The following CDH4 variants were observed in gnomAD, a reference collection of about 807,000 sequenced individuals.
CDH4 encodes the protein cadherin 4.
A neutral mutation model predicts 86.0 loss-of-function variants in CDH4; 33 were observed. The ratio of observed to expected loss-of-function variants is 0.38; its 90% CI spans 0.29 to 0.51. CDH4 has a LOEUF of 0.51. Ranked by LOEUF, CDH4 falls within the 20% of genes least tolerant of loss-of-function variation. CDH4 has a pLI of 0.86. For missense variants in CDH4, 1,114 were observed against 1,307.4 expected, an observed-to-expected ratio of 0.85 and a Z score of 2.28; for synonymous variants, 555 against 549.4, an observed-to-expected ratio of 1.01 and a Z score of -0.14.
chr20:61,291,971 C>G (rs1290125805), intron 2 of CDH4, among the ~76,000 whole-genome samples: 2 of 152,054 alleles, frequency 1.3e-5, no homozygotes, highest in Admixed American at 6.6e-5. Flanking sequence ...TCATTTAGCT[C>G]CCTCTTATAA....
rs1396600435 is a variant in CDH4, at chr20:61,269,448, C to A, written c.169+14511C>A. Among the ~76,000 whole-genome samples, 5 of 152,040 alleles carry A rather than the reference C, an allele frequency of 3.3e-5. No homozygotes were observed. The highest frequency in any genetic ancestry group is 1.2e-4 in the African/African-American group (5 of 41,392). On this transcript the variant is annotated intron_variant, in intron 2 of 15. Transcript: ENST00000614565. This position sits in a 1 kb window ranked among gnomAD's most constrained non-coding sequence, Gnocchi z 5.3. ...CTGGACCATTTTGTGGCCTGTGTGA[C>A]CTTTCCTACCTCCATAGGAGGGAGA... is the stretch of plus-strand genomic sequence containing the variant.
At chr20:61,534,429 A>G (rs1288165470) in intron 2 of CDH4, among the ~76,000 whole-genome samples, 4 of 152,126 alleles carry the variant, frequency 2.6e-5, no homozygotes, top group African/African-American at 7.2e-5. Context: ...TATGCATTCC[A>G]TATTTAATAC....
intron 2 of CDH4, among the ~76,000 whole-genome samples, chr20:61,410,566 A>G (rs565211012): frequency 1.3e-5 from 2 of 149,564 alleles, no homozygotes; most frequent in African/African-American, 4.9e-5. Flanking sequence ...TGGTCCATCT[A>G]TCCATCCATT....
chr20:61,374,962 C>A (rs1382184724), intron 2 of CDH4, among the ~76,000 whole-genome samples: 2 of 152,226 alleles, frequency 1.3e-5, no homozygotes, highest in African/African-American at 4.8e-5. Context: ...AACCAATTGC[C>A]AGTTAGAAAA....
intron 2 of CDH4, among the ~76,000 whole-genome samples, chr20:61,443,643 C>T (rs1422557090): frequency 6.6e-6 from 1 of 152,196 alleles, no homozygotes; most frequent in Non-Finnish European, 1.5e-5. Flanking sequence ...GCTGCTGGAG[C>T]AGATGTTAAT....
intron 2 of CDH4, among the ~76,000 whole-genome samples, chr20:61,657,015 T>TC (rs2087199422): frequency 1.3e-5 from 2 of 152,312 alleles, no homozygotes; most frequent in East Asian, 3.9e-4. Context: ...GAGGCATGTG[T>TC]CTTAGAGCAT....
At chr20:61,648,092 G>A (rs1348617405) in intron 2 of CDH4, among the ~76,000 whole-genome samples, 3 of 152,196 alleles carry the variant, frequency 2.0e-5, no homozygotes, top group Non-Finnish European at 4.4e-5. Context: ...GACTTCCCTT[G>A]CCTGCCATTG....
intron 2 of CDH4, among the ~76,000 whole-genome samples, chr20:61,499,936 C>T (rs529664616): frequency 6.6e-6 from 1 of 152,166 alleles, no homozygotes; most frequent in Non-Finnish European, 1.5e-5. Context: ...TCAGTGGCAC[C>T]ATTATGCAAA....
chr20:61,681,620 C>G lies in CDH4; in HGVS notation c.170-61943C>G, dbSNP rs544827550. 6.6e-6 allele frequency among the ~76,000 whole-genome samples: 1 copy of G among 152,244 alleles called. No homozygotes were observed. Among genetic ancestry groups the G allele is most frequent in the African/African-American group, 2.4e-5 (1 of 41,538 alleles). On this transcript the variant is annotated intron_variant, in intron 2 of 15. Coordinates refer to ENST00000614565, the MANE Select transcript of CDH4 (RefSeq NM_001794.5). This position sits in a 1 kb window ranked among gnomAD's most constrained non-coding sequence, Gnocchi z 4.5. ...GCAGCTGGGAGGAGTCTCAGGATCC[C>G]CCTGCAGGAAGCCCGGAATCCCTTC...
At position 61,884,562 on chromosome 20, in the gene CDH4, C is replaced by G. The variant is rs141715419; in HGVS notation, c.1051-10348C>G. On this transcript the variant is annotated intron_variant, in intron 7 of 15. Coordinates refer to ENST00000614565, the MANE Select transcript of CDH4 (RefSeq NM_001794.5). ...CTGAGCAGGGGTGATCTCTCGGTGA[C>G]AGCCTGGGGGCACCCAGCGAGGGGC... is the stretch of plus-strand genomic sequence containing the variant. Among the ~76,000 whole-genome samples the G allele has an allele frequency of 6.6e-3, 1,003 of 152,240 alleles. 16 individuals are homozygous for G. The highest frequency in any genetic ancestry group is 0.023 in the African/African-American group (961 of 41,542).
At chr20:61,636,516 G>A (rs188751096) in intron 2 of CDH4, among the ~76,000 whole-genome samples, 3 of 152,332 alleles carry the variant, frequency 2.0e-5, no homozygotes, top group Admixed American at 6.5e-5. Flanking sequence ...CCCTGTTCCC[G>A]TCGCAGGGCT....
At position 61,623,921 on chromosome 20, in the gene CDH4, C is replaced by A. The variant is rs558426508; in HGVS notation, c.170-119642C>A. On this transcript the variant is annotated intron_variant, in intron 2 of 15. Transcript: ENST00000614565. This position sits in a 1 kb window ranked among gnomAD's most constrained non-coding sequence, Gnocchi z 4.4. Reference sequence around the variant, plus strand: ...CCCCAGAATCTGAGGAGGAAAGACACGGTTCCTAGAGCGAGGAACACCCCA... The same window carrying A: ...CCCCAGAATCTGAGGAGGAAAGACAAGGTTCCTAGAGCGAGGAACACCCCA... Among the ~76,000 whole-genome samples the A allele has an allele frequency of 6.6e-6, 1 of 151,438 alleles. No individual in the cohort carries two copies. The highest frequency in any genetic ancestry group is 2.1e-4 in the South Asian group (1 of 4,748).
intron 2 of CDH4, among the ~76,000 whole-genome samples, chr20:61,679,975 C>T (rs2145856446): frequency 6.6e-6 from 1 of 152,160 alleles, no homozygotes; most frequent in Non-Finnish European, 1.5e-5. Flanking sequence ...AAGAGGAGAC[C>T]CTCGTACCCG....
intron 2 of CDH4, among the ~76,000 whole-genome samples, chr20:61,625,247 C>T (rs188873848): frequency 1.0e-3 from 159 of 152,322 alleles, no homozygotes; most frequent in Non-Finnish European, 1.7e-3. Context: ...AGTCTGCTCA[C>T]TCGACCGCAG....
intron 2 of CDH4, among the ~76,000 whole-genome samples, chr20:61,429,085 C>T (rs963141959): frequency 3.3e-5 from 5 of 151,048 alleles, no homozygotes; most frequent in African/African-American, 9.7e-5. Context: ...TCATAAGTTA[C>T]GATAGCTTAC....
At chr20:61,662,515 A>AGG (rs2087269768) in intron 2 of CDH4, among the ~76,000 whole-genome samples, 1 of 152,338 alleles carries the variant, frequency 6.6e-6, no homozygotes, top group African/African-American at 2.4e-5. Flanking sequence ...TCGGACTGAA[A>AGG]GGGACAGGAG....
chr20:61,293,867 G>T (rs1463375382), intron 2 of CDH4, among the ~76,000 whole-genome samples: 1 of 152,186 alleles, frequency 6.6e-6, no homozygotes, highest in Admixed American at 6.5e-5. Flanking sequence ...GTGGGAGGTG[G>T]TTTTTTGAGA....
chr20:61,528,462 A>AGGGG (rs1255042794), intron 2 of CDH4, among the ~76,000 whole-genome samples: 5 of 16,210 alleles, frequency 3.1e-4, no homozygotes, highest in African/African-American at 4.1e-4. Context: ...GGAGGGGGAG[A>AGGGG]GGGAGGGGGA....
At chr20:61,605,775 G>A (rs942639209) in intron 2 of CDH4, among the ~76,000 whole-genome samples, 2 of 151,990 alleles carry the variant, frequency 1.3e-5, no homozygotes, top group Non-Finnish European at 2.9e-5. Flanking sequence ...GTGACCTGTG[G>A]TGCAGAATTC....
Sources: allele counts gnomAD v4.1 joint callset (sites outside exome capture counted in the v4.1 genomes callset), GRCh38; gene constraint gnomAD v4.1.1; non-coding constraint Gnocchi (gnomAD v3.1); transcripts MANE v1.5; gene names NCBI Gene and HGNC (gene_info 2026-07-23, HGNC 2026-07-21).